The following RGPD1 variants were observed in gnomAD, a reference collection of about 807,000 sequenced individuals.
RGPD1 encodes the protein RANBP2 like and GRIP domain containing 1.
In RGPD1, 7 loss-of-function variants were observed where a neutral mutation model predicts 40.6. The observed-to-expected ratio is 0.17, with a 90% CI of 0.10 to 0.32. The LOEUF is 0.32. Ranked by LOEUF, RGPD1 falls within the 10% of genes least tolerant of loss-of-function variation. The pLI, the probability that RGPD1 is intolerant of heterozygous loss-of-function variation, is 1.00. For synonymous variants in RGPD1, 24 were observed against 167.0 expected (o/e 0.14, Z 6.60); for missense variants, 50 against 472.5 (o/e 0.11, Z 8.29).
Position 86,962,532 on chromosome 2 carries a change from A to C in RGPD1, c.780-497A>C, listed in dbSNP as rs1475344702. Among the ~76,000 whole-genome samples the C allele has an allele frequency of 8.5e-3, 1,019 of 119,734 alleles. 58 individuals are homozygous for C. The East Asian group carries it at 0.095, about 11-fold the overall frequency. The allele number at this position is 119,734 out of a possible 152,430, so 78.6% of individuals were successfully genotyped here. ...CAAAAAAAAAAAAAAAAAAAAAAAA[A>C]AGACAATTTATTTAACGCTGTAATG... is the stretch of plus-strand genomic sequence containing the variant. On this transcript the variant is annotated intron_variant, in intron 6 of 22. Coordinates refer to ENST00000641458, the MANE Select transcript of RGPD1 (RefSeq NM_001382344.1).
chr2:86,913,968 T>C (rs77430146), intron 1 of RGPD1: 88,325 of 738,028 alleles, frequency 0.12, 17,223 homozygotes, highest in African/African-American at 0.33. Context: ...GGCGGGGCGG[T>C]GGCCTCGACC....
chr2:86,930,173 A>G (rs62148271), intron 1 of RGPD1: 33,919 of 1,238,950 alleles, frequency 0.027, 11,342 homozygotes, highest in East Asian at 0.15. Context: ...CCTGCCCCAG[A>G]CTCACCCTCC....
intron 1 of RGPD1, 108 bp downstream of exon 1, chr2:86,942,416 G>A (rs1479316886): frequency 1.6e-6 from 2 of 1,213,154 alleles, no homozygotes; most frequent in Non-Finnish European, 2.1e-6. Context: ...GATGGCTCAG[G>A]CGTCATGGCT....
intron 22 of RGPD1, among the ~76,000 whole-genome samples, chr2:87,009,002 A>G (rs1470853539): frequency 6.7e-6 from 1 of 149,794 alleles, no homozygotes; most frequent in East Asian, 2.0e-4. Flanking sequence ...AAATACCAGA[A>G]AGAGAAGAAA....
intron 1 of RGPD1, among the ~76,000 whole-genome samples, chr2:86,931,739 T>C (rs1678981022): frequency 6.6e-6 from 1 of 150,872 alleles, no homozygotes; most frequent in Non-Finnish European, 1.5e-5. Flanking sequence ...CTAAAGAGAG[T>C]AAACATTAAA....
chr2:87,000,139 CTAAGAG>C (rs1681922282), intron 22 of RGPD1, among the ~76,000 whole-genome samples: 2 of 118,650 alleles, frequency 1.7e-5, no homozygotes, highest in Non-Finnish European at 3.2e-5. Context: ...TTCTAGTCAC[CTAAGAG>C]TAAAACTGCC....
rs1426263885 is a variant in RGPD1, at chr2:86,997,579, TAAG to T, written c.5062_5064del (p.Arg1688del). Reference sequence around the variant, plus strand: ...TAACACCAGCTTCTCAAAAGTGAAATAAGAAGATTGGAAAGGAATCAAGAGGAG... The same window carrying T: ...TAACACCAGCTTCTCAAAAGTGAAATAAGATTGGAAAGGAATCAAGAGGAG... On this transcript the variant is annotated inframe_deletion, in exon 22 of 23. Transcript: ENST00000641458. 12 of 429,014 alleles carry T rather than the reference TAAG, an allele frequency of 2.8e-5. No homozygotes were observed. The highest frequency in any genetic ancestry group is 4.4e-5 in the South Asian group (2 of 45,128). The allele number at this position is 429,014 out of a possible 1,614,324, so 26.6% of individuals were successfully genotyped here. A position where few individuals can be genotyped will look rare whatever the true frequency, so the allele number is the denominator to read the frequency against.
rs981512684 is a variant in RGPD1, at chr2:86,997,130, C to A, written c.5041-433C>A. Reference sequence around the variant, plus strand: ...GGTAAGCTGCTGGACTGACTCATTTCCACCTCTTCATCTGTTTCTCGTGAG... The same window carrying A: ...GGTAAGCTGCTGGACTGACTCATTTACACCTCTTCATCTGTTTCTCGTGAG... On this transcript the variant is annotated intron_variant, in intron 21 of 22. Coordinates refer to ENST00000641458, the MANE Select transcript of RGPD1 (RefSeq NM_001382344.1). 1.3e-5 allele frequency among the ~76,000 whole-genome samples: 2 copies of A among 148,944 alleles called. 1 individual carries two copies. The highest frequency in any genetic ancestry group is 5.1e-5 in the African/African-American group (2 of 39,128).
In RGPD1 at chr2:86,942,294, C is replaced by T. The variant is rs201118660; in HGVS notation, c.58C>T (p.Pro20Ser). 0.065 allele frequency: 104,186 copies of T among 1,592,654 alleles called. 4,079 individuals are homozygous for T. Among genetic ancestry groups the T allele is most frequent in the Non-Finnish European group, 0.075 (88,049 of 1,168,946 alleles). The change falls in exon 1 of 23, where the codon CCG (proline) becomes TCG (serine). Residue 20 changes from proline (P) to serine (S), a missense_variant. Coordinates refer to ENST00000641458, the MANE Select transcript of RGPD1 (RefSeq NM_001382344.1). ...RYVASVQGSA[P>S]SPGKKLRGFY... is the part of the protein sequence containing the mutation. ...CGTCGCCTCGGTGCAGGGCTCCGCC[C>T]CGTCGCCTGGAAAGGTGAGTGGATC...
chr2:86,931,075 C>T (rs1339023521), intron 1 of RGPD1, among the ~76,000 whole-genome samples: 2 of 114,988 alleles, frequency 1.7e-5, no homozygotes, highest in East Asian at 4.9e-4. Context: ...GAGATAACAA[C>T]AAGGGAGTTG....
rs1558778631 is a variant in RGPD1, at chr2:86,914,033, C to CCT, written c.72+112_72+113insCT. 22 of 56,776 alleles carry CCT rather than the reference C, an allele frequency of 3.9e-4. 2 individuals carry two copies. Among genetic ancestry groups the CCT allele is most frequent in the Non-Finnish European group, 5.0e-4 (16 of 31,776 alleles). The allele number at this position is 56,776 out of a possible 1,614,324, so 3.5% of individuals were successfully genotyped here. A position where few individuals can be genotyped will look rare whatever the true frequency, so the allele number is the denominator to read the frequency against. On this transcript the variant is annotated intron_variant, in intron 1 of 22. Coordinates refer to the RGPD1 transcript ENST00000398193. ...CGGCCTGGCCGGGCGGCGGCGGCGG[C>CCT]GGCGGCGGCGGCGGCGGCGGCGGCC...
At position 87,010,874 on chromosome 2, in the gene RGPD1, C is replaced by G. The variant is rs1215462236; in HGVS notation, c.5237-1639C>G. Among the ~76,000 whole-genome samples the G allele has an allele frequency of 2.4e-5, 2 of 82,082 alleles. 1 individual carries two copies. The highest frequency in any genetic ancestry group is 1.4e-4 in the African/African-American group (2 of 14,026). The allele number at this position is 82,082 out of a possible 152,430, so 53.8% of individuals were successfully genotyped here. On this transcript the variant is annotated intron_variant, in intron 22 of 22. Coordinates refer to ENST00000641458, the MANE Select transcript of RGPD1 (RefSeq NM_001382344.1). Reference sequence around the variant, plus strand: ...TGAGCTGAGATCGCACCATTGCACTCTAGCCTGGGCAATGAGAGCAAAATT... The same window carrying G: ...TGAGCTGAGATCGCACCATTGCACTGTAGCCTGGGCAATGAGAGCAAAATT...
chr2:86,962,306 C>G (rs1573629748), intron 6 of RGPD1, among the ~76,000 whole-genome samples: 1 of 76,286 alleles, frequency 1.3e-5, no homozygotes, highest in South Asian at 4.8e-4. Context: ...GAGTTCGAGA[C>G]CAGCCTGGCC....
intron 1 of RGPD1, among the ~76,000 whole-genome samples, chr2:86,943,548 G>A (rs1680087532): frequency 1.3e-5 from 2 of 152,094 alleles, no homozygotes; most frequent in South Asian, 2.1e-4. Context: ...AATAATCACA[G>A]CACTGTCGTT....
At chr2:86,956,076 T>C (rs1026418627) in intron 4 of RGPD1, among the ~76,000 whole-genome samples, 16 of 146,816 alleles carry the variant, frequency 1.1e-4, no homozygotes, top group African/African-American at 4.1e-4. Context: ...TGCAAAGTAA[T>C]TCCATTTCTC....
chr2:86,923,148 C>T (rs916325167), intron 1 of RGPD1, among the ~76,000 whole-genome samples: 1 of 145,970 alleles, frequency 6.9e-6, no homozygotes, highest in Non-Finnish European at 1.5e-5. Context: ...AAGCAGTTCT[C>T]CTGTCTCAGC....
chr2:86,945,815 T>G (rs1347541528), intron 1 of RGPD1, among the ~76,000 whole-genome samples: 1 of 144,576 alleles, frequency 6.9e-6, no homozygotes, highest in African/African-American at 2.6e-5. Context: ...AGGCAGAGGT[T>G]GTGGTGAGCA....
Position 86,944,967 on chromosome 2 carries a change from C to T in RGPD1, c.72+2659C>T, listed in dbSNP as rs1246370033. Among the ~76,000 whole-genome samples the T allele has an allele frequency of 2.6e-5, 4 of 151,784 alleles. No individual in the cohort carries two copies. The East Asian group carries it at 7.7e-4, about 29-fold the overall frequency. On this transcript the variant is annotated intron_variant, in intron 1 of 22. Transcript: ENST00000641458. ...CTCCTGGGCTCAAGTGATCCTCTCG[C>T]CTTGGCCACAAGTGCTGAGATTACA...
At chr2:86,915,180 C>T (rs1442124547) in intron 1 of RGPD1, among the ~76,000 whole-genome samples, 1 of 150,278 alleles carries the variant, frequency 6.7e-6, no homozygotes, top group African/African-American at 2.4e-5. Context: ...TCTGTAATCT[C>T]AGCTACTTGG....
Sources: gnomAD v4.1 joint callset for allele counts (sites outside exome capture counted in the v4.1 genomes callset) on GRCh38, gnomAD v4.1.1 for gene constraint, MANE v1.5 for transcripts, NCBI Gene and HGNC (gene_info 2026-07-23, HGNC 2026-07-21) for gene names.